The following SLC7A3 variants were observed in gnomAD, a reference collection of about 807,000 sequenced individuals.
SLC7A3 encodes the protein cationic amino acid transporter 3.
A neutral mutation model predicts 33.2 loss-of-function variants in SLC7A3; 3 were observed. The observed-to-expected ratio is 0.09, with a 90% CI of 0.04 to 0.23. The LOEUF (loss-of-function observed/expected upper bound fraction) is 0.23, where lower values mean the gene tolerates loss of function less well. Among genes scored for constraint, SLC7A3 ranks in the 10% least tolerant of loss-of-function variants. The pLI is 1.00. For missense variants in SLC7A3, 360 were observed against 488.8 expected, an observed-to-expected ratio of 0.74 and a Z score of 2.48; for synonymous variants, 193 against 195.1, an observed-to-expected ratio of 0.99 and a Z score of 0.09.
intron 2 of SLC7A3, 139 bp downstream of exon 2, chrX:70,929,489 C>G (rs2091905648): frequency 1.3e-6 from 1 of 754,197 alleles, no homozygotes; most frequent in African/African-American, 2.1e-5. Context: ...CAACACCCCC[C>G]CCCAGACCCC....
In SLC7A3 at chrX:70,926,869, G is replaced by A. The variant is rs760025171; in HGVS notation, c.1453+6C>T. On this transcript the variant is annotated splice_donor_region_variant and intron_variant, in intron 9 of 11. Coordinates refer to ENST00000374299, the MANE Select transcript of SLC7A3 (RefSeq NM_032803.6). ...AGAGCCACCCCAGAAAAATTCCACT[G>A]CTCACCAAGCAATGAGGAACAAACA... The A allele has an allele frequency of 1.7e-6, 2 of 1,205,014 alleles. No homozygotes were observed. Among genetic ancestry groups the A allele is most frequent in the Non-Finnish European group, 2.2e-6 (2 of 892,940 alleles).
In SLC7A3 at chrX:70,928,203, G is replaced by A. The variant is rs758553634; in HGVS notation, c.762C>T (p.Leu254=). Residue 254 remains leucine, a synonymous_variant, in exon 5 of 12, where the codon CTC becomes CTT. Transcript: ENST00000374299. ...CATAGAAACAGGTCGCTGCTCCACG[G>A]AGAATTCCCTCGAAGCCGAAAGGCA... is the stretch of plus-strand genomic sequence containing the variant. The part of the protein sequence containing the change: ...GFVPFGFEGI[L]RGAATCFYAF... The A allele has an allele frequency of 5.3e-5, 64 of 1,209,915 alleles. No homozygotes were observed. Among genetic ancestry groups the A allele is most frequent in the Non-Finnish European group, 6.6e-5 (59 of 895,116 alleles).
chrX:70,927,104 A>C, intron 8 of SLC7A3, 63 bp from the exon 9 acceptor site: 2 of 1,151,782 alleles, frequency 1.7e-6, no homozygotes, highest in Non-Finnish European at 2.3e-6. Context: ...ATCTTCTCCC[A>C]GGCAGCTTAA....
chrX:70,926,646 G>A lies in SLC7A3; in HGVS notation c.1501C>T (p.Pro501Ser). ...CACAGCAGGTCTCCAGAAAGCAATG[G>A]AACTGACCACTGGGCCAGCACCAGG... ...LCLVLAQWSV[P>S]LLSGDLLWTA... Residue 501 changes from proline to serine, a missense_variant, in exon 10 of 12, where the codon CCA becomes TCA. Transcript: ENST00000374299. The A allele has an allele frequency of 4.2e-6, 5 of 1,193,159 alleles. No individual in the cohort carries two copies. Among genetic ancestry groups the A allele is most frequent in the Non-Finnish European group, 5.6e-6 (5 of 886,498 alleles).
intron 10 of SLC7A3, 99 bp from the exon 11 acceptor site, chrX:70,926,277 C>T: frequency 1.3e-6 from 1 of 770,366 alleles, no homozygotes; most frequent in Admixed American, 2.9e-5. Context: ...CCAACTCTTA[C>T]TTGTCCTCTG....
chrX:70,930,487 G>A lies in SLC7A3; in HGVS notation c.-25-465C>T, dbSNP rs2091908704. 3.6e-5 allele frequency among the ~76,000 whole-genome samples: 4 copies of A among 111,528 alleles called. No homozygotes were observed. In the Admixed American group the frequency reaches 3.8e-4, roughly 11 times the overall value. On this transcript the variant is annotated intron_variant, in intron 1 of 11. Transcript: ENST00000374299. ...CCCCAGACCCCCCAGAGGGAGAGGG[G>A]ACCAACCTCGCTGCAGATTAAAAGT...
At position 70,927,696 on chromosome X, in the gene SLC7A3, T is replaced by A. The variant is rs970342999; in HGVS notation, c.1044-73A>T. 3 of 1,161,672 alleles carry A rather than the reference T, an allele frequency of 2.6e-6. No homozygotes were observed. The African/African-American group carries it at 5.4e-5, about 21-fold the overall frequency. ...TTCCCAAGACTGTATGTTTAAAGAG[T>A]CTCCACTTTCCCCTCACAGCCCTTT... is the stretch of plus-strand genomic sequence containing the variant. On this transcript the variant is annotated intron_variant, in intron 6 of 11. Coordinates refer to ENST00000374299, the MANE Select transcript of SLC7A3 (RefSeq NM_032803.6).
intron 2 of SLC7A3, 120 bp downstream of exon 2, chrX:70,929,508 C>A (rs183857514): frequency 2.2e-6 from 2 of 913,105 alleles, no homozygotes; most frequent in African/African-American, 4.1e-5. Flanking sequence ...CCCAGCAAAC[C>A]CGCACATTTA....
At chrX:70,929,444 G>A (rs945011414) in intron 2 of SLC7A3, among the ~76,000 whole-genome samples, 184 bp downstream of exon 2, 4 of 109,035 alleles carry the variant, frequency 3.7e-5, no homozygotes, top group East Asian at 2.8e-4. Flanking sequence ...AAACCAGGAC[G>A]GAGATGGATA....
Position 70,928,484 on chromosome X carries a change from C to T in SLC7A3, c.679G>A (p.Ala227Thr). The T allele has an allele frequency of 1.7e-6, 2 of 1,204,766 alleles. No individual in the cohort carries two copies. Among genetic ancestry groups the T allele is most frequent in the Non-Finnish European group, 2.2e-6 (2 of 891,931 alleles). Residue 227 changes from alanine (A) to threonine (T), a missense_variant, in exon 4 of 12, where the codon GCC becomes ACC. Ala to Thr is a moderately conservative substitution (Grantham distance 58). Transcript: ENST00000374299. ...TAGGTGTCATTGAGTTCAGCCATGG[C>T]CAATTCGTAGTCCTCTTCTGTGAGC... ...WKLTEEDYEL[A>T]MAELNDTYSL...
intron 9 of SLC7A3, 88 bp from the exon 10 acceptor site, chrX:70,926,781 T>G: frequency 8.6e-7 from 1 of 1,159,320 alleles, no homozygotes; most frequent in Non-Finnish European, 1.2e-6. Flanking sequence ...GGAGAGTCGC[T>G]CTCTCTCTAG....
chrX:70,927,426 T>C, intron 7 of SLC7A3, 42 bp from the exon 8 acceptor site: 10 of 1,207,491 alleles, frequency 8.3e-6, no homozygotes, highest in Non-Finnish European at 1.1e-5. Context: ...GAGAAGGGAG[T>C]GGCAAAGTTA....
At chrX:70,929,590 T>A in intron 2 of SLC7A3, 38 bp downstream of exon 2, 1 of 1,171,984 alleles carries the variant, frequency 8.5e-7, no homozygotes, top group Non-Finnish European at 1.1e-6. Context: ...ACCCCTTTGC[T>A]GGCTGTGCAG....
In SLC7A3 at chrX:70,927,961, C is replaced by T; in HGVS notation, c.880G>A (p.Val294Ile). The T allele has an allele frequency of 1.7e-6, 2 of 1,211,620 alleles. No homozygotes were observed. The highest frequency in any genetic ancestry group is 2.2e-6 in the Non-Finnish European group (2 of 895,496). The change falls in exon 6 of 12, where the codon GTC (valine) becomes ATC (isoleucine). Residue 294 changes from valine to isoleucine, a missense_variant. Val to Ile is a conservative substitution (Grantham distance 29). Transcript: ENST00000374299. ...ACAGCAAAATACGCCAAAAAGCAGACAGACAGTGAGATCACAATGCCCATC... is the reference window on the plus strand; with the variant it reads ...ACAGCAAAATACGCCAAAAAGCAGATAGACAGTGAGATCACAATGCCCATC... ...IPMGIVISLSVCFLAYFAVSS... is the reference protein window; with the variant it reads ...IPMGIVISLSICFLAYFAVSS...
chrX:70,927,413 T>C (rs202043884), intron 7 of SLC7A3, 29 bp from the exon 8 acceptor site: 1 of 1,206,766 alleles, frequency 8.3e-7, no homozygotes, highest in East Asian at 3.0e-5. Flanking sequence ...AAACAAGAAA[T>C]GAGAGAAGGG....
chrX:70,926,165 G>A lies in SLC7A3; in HGVS notation c.1634C>T (p.Pro545Leu). The A allele has an allele frequency of 2.5e-6, 3 of 1,205,905 alleles. No homozygotes were observed. Among genetic ancestry groups the A allele is most frequent in the Non-Finnish European group, 2.2e-6 (2 of 891,301 alleles). ...TPLHFKVPAL[P>L]LLPLMSIFVN... ...AAAGATGCTCATTAGTGGGAGGAGA[G>A]GCAAAGCAGGCACCTGAAAACAAAG... is the stretch of plus-strand genomic sequence containing the variant. The change falls in exon 11 of 12, where the codon CCT becomes CTT. Residue 545 changes from proline (P) to leucine (L), a missense_variant. Transcript: ENST00000374299.
At position 70,927,583 on chromosome X, in the gene SLC7A3, C is replaced by T. The variant is rs1379837733; in HGVS notation, c.1084G>A (p.Ala362Thr). Residue 362 changes from alanine to threonine, a missense_variant, in exon 7 of 12, where the codon GCG (alanine) becomes ACG (threonine). Physicochemically the swap from Ala to Thr is moderately conservative, Grantham distance 58. Transcript: ENST00000374299. ...AACAGGAGGCCATCCTCTGCCATCGCGTAGATCACCCGAGGCATGGGGAAC... is the reference window on the plus strand; with the variant it reads ...AACAGGAGGCCATCCTCTGCCATCGTGTAGATCACCCGAGGCATGGGGAAC... ...SMFPMPRVIY[A>T]MAEDGLLFRV... The T allele has an allele frequency of 8.3e-7, 1 of 1,210,297 alleles. No individual in the cohort carries two copies. The highest frequency in any genetic ancestry group is 1.1e-6 in the Non-Finnish European group (1 of 894,988).
chrX:70,926,353 G>A (rs1179389261), intron 10 of SLC7A3, among the ~76,000 whole-genome samples, 174 bp downstream of exon 10: 1 of 111,832 alleles, frequency 8.9e-6, no homozygotes, highest in African/African-American at 3.3e-5. Flanking sequence ...TGGGTAAATG[G>A]AACTGGAAAG....
rs369801684 is a variant in SLC7A3, at chrX:70,929,921, G to A, written c.77C>T (p.Thr26Ile). The change falls in exon 2 of 12, where the codon ACT becomes ATT. Residue 26 changes from threonine (T) to isoleucine (I), a missense_variant. Physicochemically the swap from Thr to Ile is moderately conservative, Grantham distance 89. Coordinates refer to ENST00000374299, the MANE Select transcript of SLC7A3 (RefSeq NM_032803.6). ...GGTGCTTAGGCATCTGGCAAGGCGA[G>A]TCTCAGCCATGCCTGACTCCAGTGT... Reference protein sequence around the residue: ...RRTLESGMAETRLARCLSTLD... With the variant: ...RRTLESGMAEIRLARCLSTLD... 5.8e-6 allele frequency: 7 copies of A among 1,210,353 alleles called. No homozygotes were observed. The African/African-American group carries it at 1.2e-4, about 21-fold the overall frequency.
Sources: allele counts gnomAD v4.1 joint callset (sites outside exome capture counted in the v4.1 genomes callset), GRCh38; gene constraint gnomAD v4.1.1; transcripts MANE v1.5; gene names NCBI Gene and HGNC (gene_info 2026-07-23, HGNC 2026-07-21).